Variants in PCDH15 observed in about 807,000 individuals in gnomAD.
The protein encoded by PCDH15 is protocadherin related 15.
A neutral mutation model predicts 178.5 loss-of-function variants in PCDH15; 129 were observed. The observed-to-expected ratio is 0.72, with a 90% CI of 0.63 to 0.84. The LOEUF (loss-of-function observed/expected upper bound fraction) is 0.84, where lower values mean the gene tolerates loss of function less well. Among genes scored for constraint, PCDH15 ranks in the 40% least tolerant of loss-of-function variants. PCDH15 has a pLI of 0.00. For missense variants in PCDH15, 2,230 were observed against 2,099.9 expected, an observed-to-expected ratio of 1.06 and a Z score of -1.21; for synonymous variants, 800 against 732.0, an observed-to-expected ratio of 1.09 and a Z score of -1.50.
chr10:53,904,550 A>G (rs1163855016), intron 25 of PCDH15, among the ~76,000 whole-genome samples: 1 of 150,552 alleles, frequency 6.6e-6, no homozygotes. Flanking sequence ...TCCTGCTGCT[A>G]CTCATTCAGC....
intron 2 of PCDH15, among the ~76,000 whole-genome samples, chr10:54,961,291 T>C (rs923909879): frequency 6.6e-6 from 1 of 152,188 alleles, no homozygotes; most frequent in Non-Finnish European, 1.5e-5. Flanking sequence ...CTCCAGACTT[T>C]GGGTGCTGAC....
chr10:55,486,899 G>T (rs770990670), intron 2 of PCDH15, among the ~76,000 whole-genome samples: 5 of 151,444 alleles, frequency 3.3e-5, no homozygotes, highest in Non-Finnish European at 5.9e-5. Flanking sequence ...TATGTATCAA[G>T]AACCAATATT....
At chr10:55,000,080 C>T (rs957229873) in intron 2 of PCDH15, among the ~76,000 whole-genome samples, 3 of 152,128 alleles carry the variant, frequency 2.0e-5, no homozygotes, top group African/African-American at 7.2e-5. Context: ...CATGCATTGT[C>T]ATTGATAACA....
At chr10:55,191,541 C>T (rs1485070387) in intron 1 of PCDH15, among the ~76,000 whole-genome samples, 1 of 151,814 alleles carries the variant, frequency 6.6e-6, no homozygotes, top group Non-Finnish European at 1.5e-5. Flanking sequence ...GATCTAAATT[C>T]AAATCTAGAG....
intron 1 of PCDH15, among the ~76,000 whole-genome samples, chr10:55,282,200 T>C (rs1246114074): frequency 6.6e-6 from 1 of 152,216 alleles, no homozygotes; most frequent in Non-Finnish European, 1.5e-5. Flanking sequence ...TCCTGACCTC[T>C]AGCCATGCTG....
intron 2 of PCDH15, among the ~76,000 whole-genome samples, chr10:54,995,731 C>G (rs1306036807): frequency 1.3e-5 from 2 of 151,692 alleles, no homozygotes; most frequent in Non-Finnish European, 2.9e-5. Context: ...CAATGGGGGG[C>G]TTCACAGAGA....
At chr10:55,318,909 C>G (rs1031595801) in intron 1 of PCDH15, among the ~76,000 whole-genome samples, 14 of 152,088 alleles carry the variant, frequency 9.2e-5, no homozygotes, top group African/African-American at 2.9e-4. Context: ...AAATCATAAC[C>G]ATACTTTGCA....
intron 26 of PCDH15, among the ~76,000 whole-genome samples, chr10:53,881,091 C>A (rs2080679388): frequency 6.6e-6 from 1 of 152,124 alleles, no homozygotes; most frequent in African/African-American, 2.4e-5. Flanking sequence ...TATTTTGTGT[C>A]ATGAGTACCA....
intron 2 of PCDH15, among the ~76,000 whole-genome samples, chr10:55,143,213 TA>T (rs1189020580): frequency 4.1e-5 from 6 of 147,764 alleles, no homozygotes; most frequent in Non-Finnish European, 9.0e-5. Context: ...TTTTTTTTTT[TA>T]AATAAATTAC....
intron 8 of PCDH15, among the ~76,000 whole-genome samples, chr10:54,255,254 C>T (rs2056809787): frequency 6.6e-6 from 1 of 152,170 alleles, no homozygotes. Context: ...TCTCTCAGTA[C>T]TCTTCAAAAA....
At chr10:55,615,731 A>ATAAAAAG (rs1331743284) in intron 2 of PCDH15, among the ~76,000 whole-genome samples, 1 of 152,132 alleles carries the variant, frequency 6.6e-6, no homozygotes, top group African/African-American at 2.4e-5. Context: ...AAAATAAAAA[A>ATAAAAAG]TGCCAGTCAT....
At chr10:54,247,908 C>A (rs2056127296) in intron 8 of PCDH15, among the ~76,000 whole-genome samples, 1 of 144,796 alleles carries the variant, frequency 6.9e-6, no homozygotes, top group African/African-American at 2.6e-5. Flanking sequence ...ATCTACATTG[C>A]ATGATTGATG....
intron 3 of PCDH15, among the ~76,000 whole-genome samples, chr10:54,471,569 A>G (rs1306853219): frequency 6.6e-6 from 1 of 152,080 alleles, no homozygotes; most frequent in Non-Finnish European, 1.5e-5. Context: ...AGAAGATTTT[A>G]TACTATTGGC....
At chr10:54,394,727 G>A (rs1041477201) in intron 3 of PCDH15, among the ~76,000 whole-genome samples, 28 of 152,142 alleles carry the variant, frequency 1.8e-4, no homozygotes, top group Non-Finnish European at 7.4e-5. Context: ...TTCCTAATAA[G>A]CCTGGGAGCG....
intron 15 of PCDH15, among the ~76,000 whole-genome samples, chr10:54,120,348 A>G (rs1208233872): frequency 6.6e-6 from 1 of 152,190 alleles, no homozygotes; most frequent in Non-Finnish European, 1.5e-5. Flanking sequence ...ATAAAGCAAC[A>G]ACAAAATAGA....
At chr10:54,822,645 A>G (rs919475536) in intron 3 of PCDH15, among the ~76,000 whole-genome samples, 2 of 152,094 alleles carry the variant, frequency 1.3e-5, no homozygotes, top group Admixed American at 1.3e-4. Flanking sequence ...CTTTGGATAT[A>G]TACCAAGCTT....
At chr10:54,637,639 CA>C (rs907400242) in intron 2 of PCDH15, among the ~76,000 whole-genome samples, 1 of 151,902 alleles carries the variant, frequency 6.6e-6, no homozygotes, top group Non-Finnish European at 1.5e-5. Flanking sequence ...CTGTATATTC[CA>C]AAATAATCTT....
At chr10:54,657,204 T>G (rs2094421701) in intron 2 of PCDH15, among the ~76,000 whole-genome samples, 1 of 152,132 alleles carries the variant, frequency 6.6e-6, no homozygotes, top group African/African-American at 2.4e-5. Flanking sequence ...CAATGTATAT[T>G]TAAACTGAAG....
chr10:54,117,323 G>C (rs1451767493), intron 15 of PCDH15, among the ~76,000 whole-genome samples: 3 of 152,118 alleles, frequency 2.0e-5, no homozygotes, highest in Non-Finnish European at 4.4e-5. Context: ...GCAGGCACCT[G>C]CATCTGGATG....
Sources: gnomAD v4.1 joint callset for allele counts (sites outside exome capture counted in the v4.1 genomes callset) on GRCh38, gnomAD v4.1.1 for gene constraint, MANE v1.5 for transcripts, NCBI Gene and HGNC (gene_info 2026-07-23, HGNC 2026-07-21) for gene names.